Variants in ADGRB3 observed in about 807,000 individuals in gnomAD.
ADGRB3 encodes adhesion G protein-coupled receptor B3.
Under a neutral mutation model 193.4 loss-of-function variants are expected in ADGRB3, and 37 were observed. The ratio of observed to expected loss-of-function variants is 0.19; its 90% CI spans 0.15 to 0.25. The LOEUF (loss-of-function observed/expected upper bound fraction) is 0.25. Among genes scored for constraint, ADGRB3 ranks in the 10% least tolerant of loss-of-function variants. The probability of loss-of-function intolerance (pLI) is 1.00; values close to 1 mark genes in which losing one functional copy is unlikely to be tolerated. For synonymous variants in ADGRB3, 690 were observed against 644.2 expected (o/e 1.07, Z -1.08); for missense variants, 1,637 against 1,852.9 (o/e 0.88, Z 2.14).
At chr6:69,025,979 A>G (rs1277262866) in intron 13 of ADGRB3, among the ~76,000 whole-genome samples, 1 of 152,192 alleles carries the variant, frequency 6.6e-6, no homozygotes, top group Non-Finnish European at 1.5e-5. Context: ...ACTGAACCCC[A>G]GGTTGAGGTG....
chr6:68,636,464 A>ATAAG (rs1183566282), intron 1 of ADGRB3, among the ~76,000 whole-genome samples: 1 of 151,608 alleles, frequency 6.6e-6, no homozygotes, highest in African/African-American at 2.4e-5. Flanking sequence ...AAATAAATAA[A>ATAAG]TAAATAAATA....
At chr6:69,106,292 C>T (rs1773214430) in intron 17 of ADGRB3, among the ~76,000 whole-genome samples, 1 of 151,132 alleles carries the variant, frequency 6.6e-6, no homozygotes. Context: ...TAGTATTTGG[C>T]TAAGGCATGC....
At chr6:69,136,566 A>T (rs1347695089) in intron 17 of ADGRB3, among the ~76,000 whole-genome samples, 1 of 152,106 alleles carries the variant, frequency 6.6e-6, no homozygotes, top group Non-Finnish European at 1.5e-5. Flanking sequence ...TTGGCATTAT[A>T]TAAACAATCG....
In ADGRB3 at chr6:69,287,833, A is replaced by G. The variant is rs1767584767; in HGVS notation, c.2815-37039A>G. Among the ~76,000 whole-genome samples the G allele has an allele frequency of 3.9e-5, 6 of 152,242 alleles. No homozygotes were observed. In the South Asian group the frequency reaches 1.2e-3, roughly 31 times the overall value. On this transcript the variant is annotated intron_variant, in intron 20 of 31. Transcript: ENST00000370598. ...CTGAATTTTAATTTGAATCTTTTCC[A>G]TAACTGAGAAATTCTGGTGAATATA...
At chr6:69,060,920 C>T (rs1249679706) in intron 15 of ADGRB3, among the ~76,000 whole-genome samples, 1 of 152,024 alleles carries the variant, frequency 6.6e-6, no homozygotes, top group African/African-American at 2.4e-5. Context: ...TCAACTTTGT[C>T]AATTTCTCTA....
At chr6:68,648,191 A>G (rs1302251985) in intron 3 of ADGRB3, among the ~76,000 whole-genome samples, 2 of 152,204 alleles carry the variant, frequency 1.3e-5, no homozygotes, top group Admixed American at 6.5e-5. Flanking sequence ...CACTAAATAC[A>G]TGAGCATGTA....
At chr6:68,638,182 A>C (rs1767998632) in intron 2 of ADGRB3, among the ~76,000 whole-genome samples, 1 of 152,238 alleles carries the variant, frequency 6.6e-6, no homozygotes. Context: ...GGAGAGAAAT[A>C]ATGTGATGAC....
chr6:68,777,524 G>A (rs914469944), intron 3 of ADGRB3, among the ~76,000 whole-genome samples: 8 of 151,924 alleles, frequency 5.3e-5, no homozygotes, highest in South Asian at 2.1e-4. Context: ...GGGATAAAAG[G>A]CACAGGTGTA....
intron 3 of ADGRB3, among the ~76,000 whole-genome samples, chr6:68,888,621 G>A (rs560755583): frequency 6.6e-6 from 1 of 151,288 alleles, no homozygotes; most frequent in South Asian, 2.1e-4. Context: ...GAAAGAGATT[G>A]GTAACAAATA....
At chr6:69,170,736 A>G (rs1366264234) in intron 17 of ADGRB3, among the ~76,000 whole-genome samples, 1 of 152,188 alleles carries the variant, frequency 6.6e-6, no homozygotes, top group Non-Finnish European at 1.5e-5. Flanking sequence ...TTGTAAAGGA[A>G]TCATAGTAAG....
At chr6:68,794,715 T>C (rs189329181) in intron 3 of ADGRB3, among the ~76,000 whole-genome samples, 34 of 152,258 alleles carry the variant, frequency 2.2e-4, no homozygotes, top group Admixed American at 1.8e-3. Flanking sequence ...TACAGTATAA[T>C]AGACAGAATC....
chr6:69,024,794 A>C (rs897326661), intron 13 of ADGRB3, among the ~76,000 whole-genome samples: 1 of 152,216 alleles, frequency 6.6e-6, no homozygotes, highest in African/African-American at 2.4e-5. Context: ...GGTTTAGAAA[A>C]TATTAAATAT....
intron 3 of ADGRB3, among the ~76,000 whole-genome samples, chr6:68,893,996 T>G (rs1766151853): frequency 1.3e-5 from 2 of 151,988 alleles, no homozygotes; most frequent in African/African-American, 4.8e-5. Context: ...ATGGTTTATT[T>G]TTAGATGATA....
chr6:68,773,748 G>A (rs1039916965), intron 3 of ADGRB3, among the ~76,000 whole-genome samples: 1 of 152,110 alleles, frequency 6.6e-6, no homozygotes, highest in Non-Finnish European at 1.5e-5. Context: ...GACCTCCATG[G>A]GAAGAGATGT....
At chr6:69,218,500 A>C (rs868167894) in intron 17 of ADGRB3, among the ~76,000 whole-genome samples, 112 of 152,268 alleles carry the variant, frequency 7.4e-4, no homozygotes, top group African/African-American at 2.7e-3. Flanking sequence ...ATGAAAGAAA[A>C]CCTAATTATT....
At chr6:68,724,972 C>T (rs145837436) in intron 3 of ADGRB3, among the ~76,000 whole-genome samples, 30 of 151,556 alleles carry the variant, frequency 2.0e-4, no homozygotes, top group Non-Finnish European at 3.5e-4. Context: ...TGTTTTTTTC[C>T]GCAAATATAT....
chr6:68,854,611 A>T (rs373370998), intron 3 of ADGRB3, among the ~76,000 whole-genome samples: 1 of 152,128 alleles, frequency 6.6e-6, no homozygotes, highest in East Asian at 1.9e-4. Flanking sequence ...CAGCCTATAA[A>T]AAACTGTCCT....
At chr6:68,790,889 C>A (rs1421727525) in intron 3 of ADGRB3, among the ~76,000 whole-genome samples, 1 of 152,108 alleles carries the variant, frequency 6.6e-6, no homozygotes. Context: ...GCCTCTCCTC[C>A]TCCAAAGGAA....
intron 3 of ADGRB3, among the ~76,000 whole-genome samples, chr6:68,745,144 A>G (rs1205094257): frequency 1.3e-5 from 2 of 152,206 alleles, no homozygotes; most frequent in East Asian, 1.9e-4. Flanking sequence ...TTGCACATCC[A>G]TGTTCACAGC....
Sources: gnomAD v4.1 joint callset for allele counts (sites outside exome capture counted in the v4.1 genomes callset) on GRCh38, gnomAD v4.1.1 for gene constraint, MANE v1.5 for transcripts, NCBI Gene and HGNC (gene_info 2026-07-23, HGNC 2026-07-21) for gene names.